Variants in KCNJ6 observed in about 807,000 individuals in gnomAD.
The protein encoded by KCNJ6 is potassium inwardly rectifying channel subfamily J member 6, also known as G protein-activated inward rectifier potassium channel 2.
Under a neutral mutation model 34.2 loss-of-function variants are expected in KCNJ6, and 9 were observed. That is an observed-to-expected ratio of 0.26 (90% confidence interval 0.16 to 0.46). KCNJ6 has a LOEUF of 0.46. Ranked by LOEUF, KCNJ6 falls within the 20% of genes least tolerant of loss-of-function variation. The pLI is 1.00. For missense variants in KCNJ6, 236 were observed against 531.3 expected (o/e 0.44, Z 5.46); for synonymous variants, 196 against 207.1 (o/e 0.95, Z 0.46).
chr21:37,637,497 A>G (rs953436285), intron 3 of KCNJ6, among the ~76,000 whole-genome samples: 1 of 152,162 alleles, frequency 6.6e-6, no homozygotes, highest in African/African-American at 2.4e-5. Context: ...TTAAGTAAGA[A>G]ATGTTATTTA....
chr21:37,753,864 G>C (rs550980714), intron 2 of KCNJ6, among the ~76,000 whole-genome samples: 12 of 152,250 alleles, frequency 7.9e-5, no homozygotes, highest in Admixed American at 4.6e-4. Flanking sequence ...CTGAGACATC[G>C]GACACTATGC....
intron 2 of KCNJ6, among the ~76,000 whole-genome samples, chr21:37,765,959 G>T (rs906507685): frequency 3.3e-5 from 5 of 152,116 alleles, no homozygotes; most frequent in African/African-American, 1.2e-4. Context: ...TATGTATTTT[G>T]CATATTTGTA....
chr21:37,778,078 A>G (rs1015353532), intron 2 of KCNJ6, among the ~76,000 whole-genome samples: 3 of 152,178 alleles, frequency 2.0e-5, no homozygotes, highest in Admixed American at 6.5e-5. Flanking sequence ...CATGACCTGA[A>G]GCGTTCAGGC....
chr21:37,900,170 T>C (rs1264407459), intron 1 of KCNJ6, among the ~76,000 whole-genome samples: 6 of 152,242 alleles, frequency 3.9e-5, no homozygotes, highest in Non-Finnish European at 8.8e-5. Flanking sequence ...TACCCAGCAA[T>C]TATATGTATA....
At chr21:37,686,187 A>G (rs1000774941) in intron 3 of KCNJ6, among the ~76,000 whole-genome samples, 1 of 152,200 alleles carries the variant, frequency 6.6e-6, no homozygotes, top group Non-Finnish European at 1.5e-5. Context: ...AATGAGGAAC[A>G]GAAGATTAAT....
chr21:37,659,438 C>T (rs4816570), intron 3 of KCNJ6, among the ~76,000 whole-genome samples: 2,263 of 152,288 alleles, frequency 0.015, 37 homozygotes, highest in East Asian at 0.069. Context: ...TCCTTTGCAA[C>T]CCCAAGTGCT....
chr21:37,885,332 G>A (rs1175182789), intron 1 of KCNJ6, among the ~76,000 whole-genome samples: 1 of 152,100 alleles, frequency 6.6e-6, no homozygotes, highest in Non-Finnish European at 1.5e-5. Context: ...AGGTGCTTGT[G>A]TCTTATGGTA....
At chr21:37,649,870 A>T (rs1308255120) in intron 3 of KCNJ6, among the ~76,000 whole-genome samples, 3 of 151,466 alleles carry the variant, frequency 2.0e-5, no homozygotes, top group South Asian at 4.2e-4. Context: ...CTCCTGCCTC[A>T]GCCTCCCCAA....
intron 2 of KCNJ6, among the ~76,000 whole-genome samples, chr21:37,748,490 AG>A (rs1235175909): frequency 2.6e-5 from 4 of 152,168 alleles, no homozygotes; most frequent in Non-Finnish European, 5.9e-5. Context: ...CATCTCTAGA[AG>A]TCTTAACAGT....
intron 3 of KCNJ6, among the ~76,000 whole-genome samples, chr21:37,636,851 A>G (rs576182637): frequency 2.0e-4 from 31 of 152,368 alleles, no homozygotes; most frequent in Non-Finnish European, 4.4e-5. Flanking sequence ...AGCCAGAGGT[A>G]TAGTCAATAC....
At chr21:37,711,797 A>ACCCC (rs369492998) in intron 3 of KCNJ6, among the ~76,000 whole-genome samples, 172 of 142,730 alleles carry the variant, frequency 1.2e-3, no homozygotes, top group South Asian at 4.0e-3. Flanking sequence ...ACTTTCTAGA[A>ACCCC]CCCCCCCCCC....
chr21:37,768,090 T>C (rs2123501148), intron 2 of KCNJ6, among the ~76,000 whole-genome samples: 1 of 152,106 alleles, frequency 6.6e-6, no homozygotes, highest in Non-Finnish European at 1.5e-5. Flanking sequence ...TGGACTTTTT[T>C]TTTTTTTTTT....
intron 2 of KCNJ6, among the ~76,000 whole-genome samples, chr21:37,769,110 G>A (rs1299351519): frequency 6.6e-6 from 1 of 152,164 alleles, no homozygotes; most frequent in Non-Finnish European, 1.5e-5. Flanking sequence ...CTGCGCACGG[G>A]GTGATGTGGA....
intron 1 of KCNJ6, among the ~76,000 whole-genome samples, chr21:37,853,145 TAAA>T (rs796751868): frequency 1.8e-5 from 2 of 111,122 alleles, no homozygotes; most frequent in Non-Finnish European, 3.9e-5. Flanking sequence ...TTTTTCAAAT[TAAA>T]AAAAAAAAAA....
Position 37,615,244 on chromosome 21 carries a change from C to CTTTTTTTTTTTTTTTTTTTTTTTTTTT in KCNJ6, c.*9914_*9915insAAAAAAAAAAAAAAAAAAAAAAAAAAA, listed in dbSNP as rs1156939747. The CTTTTTTTTTTTTTTTTTTTTTTTTTTT allele has an allele frequency of 3.0e-5, 3 of 98,884 alleles. No homozygotes were observed. Among genetic ancestry groups the CTTTTTTTTTTTTTTTTTTTTTTTTTTT allele is most frequent in the African/African-American group, 1.2e-4 (3 of 25,194 alleles). 6.1% of individuals were successfully genotyped at this position (98,884 alleles called of 1,614,324 possible). On this transcript the variant is annotated 3_prime_UTR_variant, in exon 4 of 4. Transcript: ENST00000609713. ...ACCCTCGACTGACATTCCCAGCATT[C>CTTTTTTTTTTTTTTTTTTTTTTTTTTT]TTTTTTTTTTTTTTTTTTTTTTTTT...
At chr21:37,810,694 G>A (rs2055318413) in intron 2 of KCNJ6, among the ~76,000 whole-genome samples, 1 of 152,082 alleles carries the variant, frequency 6.6e-6, no homozygotes, top group South Asian at 2.1e-4. Flanking sequence ...TTCCTCTTTT[G>A]TGAGTGATTT....
At chr21:37,704,959 C>G (rs2054711941) in intron 3 of KCNJ6, among the ~76,000 whole-genome samples, 1 of 152,056 alleles carries the variant, frequency 6.6e-6, no homozygotes, top group Non-Finnish European at 1.5e-5. Flanking sequence ...AGAGCTTCAA[C>G]TGGCACAGTC....
At chr21:37,715,690 T>G (rs563415122) in intron 2 of KCNJ6, among the ~76,000 whole-genome samples, 3 of 152,232 alleles carry the variant, frequency 2.0e-5, no homozygotes, top group African/African-American at 7.2e-5. Context: ...GGGTTGGGGC[T>G]CCAATCTAAT....
intron 2 of KCNJ6, among the ~76,000 whole-genome samples, chr21:37,747,921 G>A (rs777810921): frequency 2.6e-5 from 4 of 152,178 alleles, no homozygotes; most frequent in Non-Finnish European, 5.9e-5. Context: ...GCTGCATAAG[G>A]AAACTAACAC....
Sources: gnomAD v4.1 joint callset for allele counts (sites outside exome capture counted in the v4.1 genomes callset) on GRCh38, gnomAD v4.1.1 for gene constraint, MANE v1.5 for transcripts, NCBI Gene and HGNC (gene_info 2026-07-23, HGNC 2026-07-21) for gene names.